The following ELK3 variants were observed in gnomAD, a reference collection of about 807,000 sequenced individuals.
The protein encoded by ELK3 is ETS transcription factor ELK3, also known as ETS domain-containing protein Elk-3.
In ELK3, 10 loss-of-function variants were observed where a neutral mutation model predicts 28.9. That is an observed-to-expected ratio of 0.35 (90% CI 0.21 to 0.59). The LOEUF (loss-of-function observed/expected upper bound fraction) is 0.59, where lower values mean the gene tolerates loss of function less well. Ranked by LOEUF, ELK3 falls within the 20% of genes least tolerant of loss-of-function variation. The pLI, the probability that ELK3 is intolerant of heterozygous loss-of-function variation, is 0.82. For missense variants in ELK3, 463 were observed against 517.3 expected (o/e 0.90, Z 1.02); for synonymous variants, 272 against 243.5 (o/e 1.12, Z -1.09).
Position 96,247,670 on chromosome 12 carries a change from C to T in ELK3, c.938C>T (p.Ser313Phe), listed in dbSNP as rs1377372154. ...PLVLSGTDIG[S>F]IALNSPALPS... is the part of the protein sequence containing the mutation. ...GTGCTCTCCGGCACCGACATCGGCTCCATCGCCCTCAACAGCCCAGCCCTC... is the reference window on the plus strand; with the variant it reads ...GTGCTCTCCGGCACCGACATCGGCTTCATCGCCCTCAACAGCCCAGCCCTC... The change falls in exon 3 of 5, where the codon TCC (serine) becomes TTC (phenylalanine). Residue 313 changes from serine (S) to phenylalanine (F), a missense_variant. Transcript: ENST00000228741. This position sits in a 1 kb window ranked among gnomAD's most constrained non-coding sequence, Gnocchi z 5.5. 2 of 1,612,188 alleles carry T rather than the reference C, an allele frequency of 1.2e-6. No homozygotes were observed. Among genetic ancestry groups the T allele is most frequent in the East Asian group, 2.2e-5 (1 of 44,856 alleles).
chr12:96,263,348 C>T (rs1473060434), intron 4 of ELK3, among the ~76,000 whole-genome samples: 4 of 152,078 alleles, frequency 2.6e-5, no homozygotes, highest in South Asian at 2.1e-4. Flanking sequence ...AAAGTGAACT[C>T]GGTTTTTCTT....
intron 3 of ELK3, among the ~76,000 whole-genome samples, chr12:96,249,795 C>T (rs951446997): frequency 2.8e-5 from 1 of 36,316 alleles, no homozygotes; most frequent in African/African-American, 1.1e-4. Context: ...ATCGGTGGGG[C>T]TGAGGGCGTG....
Position 96,247,757 on chromosome 12 carries a change from A to G in ELK3, c.1002+23A>G. 1 of 1,500,312 alleles carries G rather than the reference A, an allele frequency of 6.7e-7. No homozygotes were observed. Among genetic ancestry groups the G allele is most frequent in the Middle Eastern group, 1.8e-4 (1 of 5,570 alleles). The allele number at this position is 1,500,312 out of a possible 1,614,324, so 92.9% of individuals were successfully genotyped here. A position where few individuals can be genotyped will look rare whatever the true frequency, so the allele number is the denominator to read the frequency against. On this transcript the variant is annotated intron_variant, in intron 3 of 4. Transcript: ENST00000228741. This position sits in a 1 kb window ranked among gnomAD's most constrained non-coding sequence, Gnocchi z 5.5. ...CAGGTAAGAGTCATTCCTGTCATCT[A>G]AGCCACAGCCAGCTTCAGTGGCTTA... is the stretch of plus-strand genomic sequence containing the variant.
rs1220057242 is a variant in ELK3 at position 96,247,562 on chromosome 12, C to T, written c.830C>T (p.Ser277Leu). 1.9e-6 allele frequency: 3 copies of T among 1,614,022 alleles called. No individual in the cohort carries two copies. Among genetic ancestry groups the T allele is most frequent in the Non-Finnish European group, 2.5e-6 (3 of 1,180,046 alleles). ...DSDSLEPLNL[S>L]SGSKTKSPSL... ...GATTCCCTGGAGCCCTTGAACCTGT[C>T]ATCGGGCTCCAAGACCAAGTCTCCA... The change falls in exon 3 of 5, where the codon TCA becomes TTA. Residue 277 changes from serine to leucine, a missense_variant. Ser to Leu is a moderately radical substitution (Grantham distance 145). Coordinates refer to ENST00000228741, the MANE Select transcript of ELK3 (RefSeq NM_005230.4). The surrounding 1 kb of genome is among the most constrained non-coding windows in gnomAD (Gnocchi z 5.5).
intron 1 of ELK3, among the ~76,000 whole-genome samples, chr12:96,205,356 C>T (rs909893337): frequency 1.3e-5 from 2 of 152,160 alleles, no homozygotes; most frequent in South Asian, 2.1e-4. Context: ...GATCTTGAAA[C>T]CCTCTGGCAA....
rs576651181 is a variant in ELK3 at position 96,218,256 on chromosome 12, G to A, written c.-2-5309G>A. ...CCTGCAGGCTGCAAGGTTGAGGTGA[G>A]GTCAGAGGAATCCAGAAAGTATCAG... On this transcript the variant is annotated intron_variant, in intron 1 of 4. Coordinates refer to ENST00000228741, the MANE Select transcript of ELK3 (RefSeq NM_005230.4). Among the ~76,000 whole-genome samples, 6 of 152,282 alleles carry A rather than the reference G, an allele frequency of 3.9e-5. No individual in the cohort carries two copies. The East Asian group carries it at 1.2e-3, about 29-fold the overall frequency.
Position 96,255,018 on chromosome 12 carries a change from C to T in ELK3, c.1003-4713C>T, listed in dbSNP as rs1393269504. ...ATTGTTTTAGGAATCACCCTGCTGG[C>T]GAGATTGGGAAGGGGGAAGGCTGGA... On this transcript the variant is annotated intron_variant, in intron 3 of 4. Coordinates refer to ENST00000228741, the MANE Select transcript of ELK3 (RefSeq NM_005230.4). Among the ~76,000 whole-genome samples, 7 of 151,952 alleles carry T rather than the reference C, an allele frequency of 4.6e-5. No homozygotes were observed. The South Asian group carries it at 1.0e-3, about 23-fold the overall frequency.
chr12:96,223,731 C>T lies in ELK3; in HGVS notation c.165C>T (p.Asn55=). Residue 55 remains asparagine, a synonymous_variant, in exon 2 of 5, where the codon AAC becomes AAT. Coordinates refer to ENST00000228741, the MANE Select transcript of ELK3 (RefSeq NM_005230.4). ...TCCGAAAAAACAAAACAAATATGAA[C>T]TATGATAAGCTGAGCAGAGCCCTGC... ...WGLRKNKTNM[N]YDKLSRALRY... The T allele has an allele frequency of 6.2e-7, 1 of 1,614,102 alleles. No homozygotes were observed. Among genetic ancestry groups the T allele is most frequent in the South Asian group, 1.1e-5 (1 of 91,090 alleles).
At chr12:96,223,395 G>A (rs750346360) in intron 1 of ELK3, 170 bp from the exon 2 acceptor site, 1 of 622,926 alleles carries the variant, frequency 1.6e-6, no homozygotes, top group Non-Finnish European at 2.8e-6. Flanking sequence ...CAGCCAGGAA[G>A]CTCCTGGTTC....
chr12:96,263,430 G>A (rs1459795669), intron 4 of ELK3, among the ~76,000 whole-genome samples: 3 of 152,218 alleles, frequency 2.0e-5, no homozygotes, highest in African/African-American at 4.8e-5. Context: ...TTGTTCCAAT[G>A]TGGAATATAC....
chr12:96,234,445 G>A (rs886914031), intron 2 of ELK3, among the ~76,000 whole-genome samples: 1 of 152,116 alleles, frequency 6.6e-6, no homozygotes, highest in Non-Finnish European at 1.5e-5. Context: ...TAGTGGTTGT[G>A]TAGACAAACT....
At position 96,267,229 on chromosome 12, in the gene ELK3, T is replaced by G; in HGVS notation, c.*49T>G. The G allele has an allele frequency of 5.3e-5, 79 of 1,497,738 alleles. No homozygotes were observed. Among genetic ancestry groups the G allele is most frequent in the Non-Finnish European group, 6.5e-5 (71 of 1,090,112 alleles). The allele number at this position is 1,497,738 out of a possible 1,614,324, so 92.8% of individuals were successfully genotyped here. A position where few individuals can be genotyped will look rare whatever the true frequency, so the allele number is the denominator to read the frequency against. ...CTCATTAACTGATGAAACAAATTTG[T>G]CCCCACGGGCTAGTTTACCTGTGTC... On this transcript the variant is annotated 3_prime_UTR_variant, in exon 5 of 5. Transcript: ENST00000228741.
intron 4 of ELK3, among the ~76,000 whole-genome samples, 166 bp downstream of exon 4, chr12:96,260,019 T>A (rs1403042310): frequency 1.3e-5 from 2 of 152,222 alleles, no homozygotes; most frequent in Non-Finnish European, 2.9e-5. Flanking sequence ...AGGCAGACAT[T>A]TTCATTGAGG....
At chr12:96,219,949 G>A (rs1316068341) in intron 1 of ELK3, among the ~76,000 whole-genome samples, 19 of 152,164 alleles carry the variant, frequency 1.2e-4, no homozygotes, top group Non-Finnish European at 8.8e-5. Flanking sequence ...GGCTGGGCAT[G>A]CCTCAGACAG....
At chr12:96,196,555 G>A (rs771412990) in intron 1 of ELK3, among the ~76,000 whole-genome samples, 8 of 152,046 alleles carry the variant, frequency 5.3e-5, no homozygotes, top group Non-Finnish European at 1.2e-4. Context: ...AGGTCAGTTA[G>A]GAGTTTCAAT....
chr12:96,253,710 A>G (rs568848071), intron 3 of ELK3, among the ~76,000 whole-genome samples: 113 of 152,332 alleles, frequency 7.4e-4, no homozygotes, highest in Middle Eastern at 3.4e-3. Flanking sequence ...ACTTTCTTAG[A>G]GACTGAGTGA....
intron 1 of ELK3, among the ~76,000 whole-genome samples, chr12:96,199,315 C>T (rs1005765116): frequency 6.6e-6 from 1 of 152,082 alleles, no homozygotes; most frequent in East Asian, 1.9e-4. Flanking sequence ...GTGGAGTTTC[C>T]AAACTTTGAA....
rs555120934 is a variant in ELK3 at position 96,214,947 on chromosome 12, G to A, written c.-2-8618G>A. 1.4e-4 allele frequency among the ~76,000 whole-genome samples: 22 copies of A among 152,194 alleles called. No homozygotes were observed. In the South Asian group the frequency reaches 4.6e-3, roughly 32 times the overall value. On this transcript the variant is annotated intron_variant, in intron 1 of 4. Coordinates refer to ENST00000228741, the MANE Select transcript of ELK3 (RefSeq NM_005230.4). ...CATAGCAGATACTGGCAGAGGAGTT[G>A]AACTCAGCAGAATTTTCAGTAAGAA...
chr12:96,266,452 T>C (rs747604215), intron 4 of ELK3, among the ~76,000 whole-genome samples: 4 of 152,224 alleles, frequency 2.6e-5, no homozygotes, highest in Non-Finnish European at 4.4e-5. Flanking sequence ...ACTGTCATCC[T>C]ACTATATTTA....
Sources: allele counts gnomAD v4.1 joint callset (sites outside exome capture counted in the v4.1 genomes callset), GRCh38; gene constraint gnomAD v4.1.1; non-coding constraint Gnocchi (gnomAD v3.1); transcripts MANE v1.5; gene names NCBI Gene and HGNC (gene_info 2026-07-23, HGNC 2026-07-21).